Variants in SLC25A21 observed in about 807,000 individuals in gnomAD.
SLC25A21 encodes the protein mitochondrial 2-oxodicarboxylate carrier.
A neutral mutation model predicts 43.8 loss-of-function variants in SLC25A21; 47 were observed. The observed-to-expected ratio is 1.07, with a 90% confidence interval of 0.85 to 1.37. SLC25A21 has a LOEUF of 1.37. SLC25A21 is among the 40% of genes most tolerant of loss of function. The probability of loss-of-function intolerance (pLI) is 0.00; values close to 1 mark genes in which losing one functional copy is unlikely to be tolerated. For missense variants in SLC25A21, 352 were observed against 350.2 expected (o/e 1.00, Z -0.04); for synonymous variants, 131 against 121.3 (o/e 1.08, Z -0.52).
chr14:36,829,241 TTTGAATTGA>T (rs2138476822), intron 2 of SLC25A21, among the ~76,000 whole-genome samples: 1 of 152,232 alleles, frequency 6.6e-6, no homozygotes, highest in African/African-American at 2.4e-5. Flanking sequence ...TGAGAGGTGA[TTTGAATTGA>T]TTGCCTCAAA....
chr14:37,122,947 A>C (rs1053612343), intron 1 of SLC25A21, among the ~76,000 whole-genome samples: 2 of 152,222 alleles, frequency 1.3e-5, no homozygotes. Flanking sequence ...ATTTGCTACT[A>C]TATCTTAGGC....
chr14:36,743,367 G>A (rs565249467), intron 3 of SLC25A21, among the ~76,000 whole-genome samples: 1 of 151,538 alleles, frequency 6.6e-6, no homozygotes, highest in African/African-American at 2.4e-5. Context: ...CTTTCCACTA[G>A]GAAATAATAA....
At chr14:37,138,984 A>T (rs1963528071) in intron 1 of SLC25A21, among the ~76,000 whole-genome samples, 1 of 152,088 alleles carries the variant, frequency 6.6e-6, no homozygotes, top group South Asian at 2.1e-4. Flanking sequence ...CAATATTTTC[A>T]TTTGTAAACA....
intron 1 of SLC25A21, among the ~76,000 whole-genome samples, chr14:37,130,087 CA>C (rs111382394): frequency 8.3e-5 from 10 of 121,056 alleles, no homozygotes; most frequent in Non-Finnish European, 6.6e-5. Flanking sequence ...CCTGTCTCTA[CA>C]AAAAAAAAAA....
intron 2 of SLC25A21, among the ~76,000 whole-genome samples, chr14:36,838,287 T>C (rs1334183791): frequency 6.6e-6 from 1 of 152,194 alleles, no homozygotes; most frequent in Non-Finnish European, 1.5e-5. Flanking sequence ...TCTGCCTTCG[T>C]CTGGAAGAGT....
intron 6 of SLC25A21, among the ~76,000 whole-genome samples, chr14:36,722,459 G>T (rs1316429253): frequency 6.6e-6 from 1 of 152,116 alleles, no homozygotes; most frequent in African/African-American, 2.4e-5. Context: ...GTTAATGTAG[G>T]TTCATCAGTT....
At chr14:37,121,040 C>A (rs1234569946) in intron 1 of SLC25A21, among the ~76,000 whole-genome samples, 1 of 152,134 alleles carries the variant, frequency 6.6e-6, no homozygotes, top group Non-Finnish European at 1.5e-5. Flanking sequence ...GTATTATGAC[C>A]AAGGTCTTTT....
intron 2 of SLC25A21, among the ~76,000 whole-genome samples, chr14:36,864,710 TA>T (rs1373618737): frequency 6.6e-6 from 1 of 152,204 alleles, no homozygotes; most frequent in Non-Finnish European, 1.5e-5. Context: ...ATACAGTTTA[TA>T]AAACTATGGT....
At chr14:37,151,815 A>C (rs138112304) in intron 1 of SLC25A21, among the ~76,000 whole-genome samples, 1 of 152,280 alleles carries the variant, frequency 6.6e-6, no homozygotes, top group East Asian at 1.9e-4. Context: ...CGGGCAGATC[A>C]CTTGAGGTCA....
chr14:36,882,253 T>A (rs558829445), intron 1 of SLC25A21, among the ~76,000 whole-genome samples: 2 of 152,188 alleles, frequency 1.3e-5, no homozygotes, highest in Admixed American at 6.5e-5. Context: ...CGTGGTGATG[T>A]GCACCTGTAG....
chr14:36,738,464 T>C (rs1885129237), intron 3 of SLC25A21, among the ~76,000 whole-genome samples: 1 of 152,214 alleles, frequency 6.6e-6, no homozygotes, highest in South Asian at 2.1e-4. Context: ...ATTGTTAACA[T>C]GCGTCATCCC....
intron 7 of SLC25A21, among the ~76,000 whole-genome samples, chr14:36,685,387 C>T (rs927602105): frequency 6.6e-6 from 1 of 152,184 alleles, no homozygotes; most frequent in Non-Finnish European, 1.5e-5. Flanking sequence ...CAAGGCTACT[C>T]GCGGTCTGCT....
chr14:37,142,566 T>C (rs1460314694), intron 1 of SLC25A21, among the ~76,000 whole-genome samples: 3 of 152,086 alleles, frequency 2.0e-5, no homozygotes, highest in Non-Finnish European at 4.4e-5. Context: ...TCTCACTATG[T>C]TACCAGGCTG....
intron 1 of SLC25A21, among the ~76,000 whole-genome samples, chr14:37,003,492 C>G (rs2138727928): frequency 6.6e-6 from 1 of 152,286 alleles, no homozygotes; most frequent in Middle Eastern, 3.4e-3. Flanking sequence ...TTCATAACAG[C>G]ACTATTTGTA....
At chr14:36,798,052 T>C (rs1887734380) in intron 3 of SLC25A21, among the ~76,000 whole-genome samples, 1 of 152,128 alleles carries the variant, frequency 6.6e-6, no homozygotes, top group Non-Finnish European at 1.5e-5. Context: ...AAATAAATGA[T>C]GGTTCATATA....
At chr14:36,733,365 C>T (rs193160503) in intron 4 of SLC25A21, among the ~76,000 whole-genome samples, 13 of 152,250 alleles carry the variant, frequency 8.5e-5, no homozygotes, top group African/African-American at 2.9e-4. Context: ...ATCCTTATAA[C>T]AAAATTTGTA....
intron 2 of SLC25A21, among the ~76,000 whole-genome samples, chr14:36,862,576 AGG>A (rs984215293): frequency 5.9e-5 from 9 of 152,138 alleles, no homozygotes; most frequent in African/African-American, 2.2e-4. Context: ...ACATGGACAC[AGG>A]GAGGGGAACA....
intron 1 of SLC25A21, among the ~76,000 whole-genome samples, chr14:36,931,031 C>T (rs1283322284): frequency 6.6e-6 from 1 of 152,070 alleles, no homozygotes; most frequent in Non-Finnish European, 1.5e-5. Flanking sequence ...CATCTGACAC[C>T]TCTCCTCTGG....
chr14:36,910,087 T>C (rs1174410570), intron 1 of SLC25A21, among the ~76,000 whole-genome samples: 1 of 152,164 alleles, frequency 6.6e-6, no homozygotes, highest in Admixed American at 6.6e-5. Context: ...TGCTCTTATT[T>C]GGGAAAGCAG....
Sources: gnomAD v4.1 joint callset for allele counts (sites outside exome capture counted in the v4.1 genomes callset) on GRCh38, gnomAD v4.1.1 for gene constraint, MANE v1.5 for transcripts, NCBI Gene and HGNC (gene_info 2026-07-23, HGNC 2026-07-21) for gene names.